The following IQCM variants were observed in gnomAD, a reference collection of about 807,000 sequenced individuals.
The protein encoded by IQCM is IQ motif containing M, also known as IQ domain-containing protein M.
In IQCM, 45 loss-of-function variants were observed where a neutral mutation model predicts 57.6. The ratio of observed to expected loss-of-function variants is 0.78; its 90% confidence interval spans 0.62 to 1.00. The LOEUF (loss-of-function observed/expected upper bound fraction) is 1.00. IQCM is among the 50% of genes least tolerant of loss of function. IQCM has a pLI of 0.00. For synonymous variants in IQCM, 148 were observed against 158.9 expected (o/e 0.93, Z 0.51); for missense variants, 468 against 511.6 (o/e 0.91, Z 0.82).
At chr4:149,371,672 A>G (rs1730378218) in intron 13 of IQCM, among the ~76,000 whole-genome samples, 16 of 152,178 alleles carry the variant, frequency 1.1e-4, no homozygotes. Context: ...CCACAGAAAT[A>G]TGACCTAACT....
chr4:149,745,558 A>C (rs2149918807), intron 2 of IQCM, among the ~76,000 whole-genome samples: 1 of 152,284 alleles, frequency 6.6e-6, no homozygotes, highest in South Asian at 2.1e-4. Context: ...GCTCTCTGAA[A>C]CGGTTACAGG....
intron 12 of IQCM, among the ~76,000 whole-genome samples, chr4:149,443,414 T>G (rs1736167940): frequency 6.6e-6 from 1 of 151,976 alleles, no homozygotes; most frequent in Non-Finnish European, 1.5e-5. Context: ...CAACAGGCAA[T>G]AACAGCTGGC....
chr4:149,668,136 A>G (rs963725863), intron 7 of IQCM, among the ~76,000 whole-genome samples: 3 of 152,146 alleles, frequency 2.0e-5, no homozygotes, highest in Admixed American at 1.3e-4. Flanking sequence ...CAGATTCACC[A>G]AAGTTGAAAT....
chr4:149,584,209 T>C (rs1003861821), intron 9 of IQCM, among the ~76,000 whole-genome samples: 6 of 151,602 alleles, frequency 4.0e-5, no homozygotes, highest in African/African-American at 1.4e-4. Flanking sequence ...TAACATAAAC[T>C]TCTTTTCCTT....
At chr4:149,617,707 A>G (rs1337418658) in intron 8 of IQCM, among the ~76,000 whole-genome samples, 1 of 152,178 alleles carries the variant, frequency 6.6e-6, no homozygotes, top group Admixed American at 6.5e-5. Context: ...ATTTCAATAT[A>G]CCAATAATGA....
intron 12 of IQCM, among the ~76,000 whole-genome samples, chr4:149,541,107 A>C (rs1747805733): frequency 6.6e-6 from 1 of 152,132 alleles, no homozygotes; most frequent in Non-Finnish European, 1.5e-5. Flanking sequence ...AGAGAAAATC[A>C]CTATATGTTT....
At chr4:149,558,225 T>C (rs1328476613) in intron 10 of IQCM, among the ~76,000 whole-genome samples, 1 of 152,196 alleles carries the variant, frequency 6.6e-6, no homozygotes, top group East Asian at 1.9e-4. Flanking sequence ...ACATTGACTT[T>C]CATGGCTCCA....
At chr4:149,613,397 G>A (rs1755481501) in intron 8 of IQCM, among the ~76,000 whole-genome samples, 1 of 152,034 alleles carries the variant, frequency 6.6e-6, no homozygotes, top group African/African-American at 2.4e-5. Flanking sequence ...TTCCAAGTCA[G>A]AAGAAGAAAA....
intron 13 of IQCM, among the ~76,000 whole-genome samples, chr4:149,386,724 T>C (rs987373690): frequency 2.6e-5 from 4 of 151,294 alleles, no homozygotes; most frequent in African/African-American, 9.7e-5. Flanking sequence ...CTTTGTCAGG[T>C]TTTTTTTTAA....
chr4:149,765,587 T>G (rs769434662), intron 2 of IQCM, among the ~76,000 whole-genome samples: 1 of 152,044 alleles, frequency 6.6e-6, no homozygotes, highest in Non-Finnish European at 1.5e-5. Flanking sequence ...AAACTGCCCT[T>G]GTAAAATTAA....
chr4:149,548,234 T>C (rs2149895339), intron 12 of IQCM, among the ~76,000 whole-genome samples: 1 of 152,246 alleles, frequency 6.6e-6, no homozygotes, highest in Non-Finnish European at 1.5e-5. Flanking sequence ...AAAAAACCTG[T>C]ATTGTATTAA....
At chr4:149,585,605 C>T (rs193223696) in intron 9 of IQCM, among the ~76,000 whole-genome samples, 1 of 151,374 alleles carries the variant, frequency 6.6e-6, no homozygotes, top group Non-Finnish European at 1.5e-5. Context: ...TGATTCTATG[C>T]CAGTAATATT....
At chr4:149,497,436 G>A (rs973515652) in intron 12 of IQCM, among the ~76,000 whole-genome samples, 3 of 152,024 alleles carry the variant, frequency 2.0e-5, no homozygotes, top group Non-Finnish European at 2.9e-5. Flanking sequence ...TTATTAGAAC[G>A]TGGCTAGGTA....
In IQCM at chr4:149,815,810, T is replaced by C. The variant is rs1193897366; in HGVS notation, c.-297A>G. The C allele has an allele frequency of 6.6e-6, 1 of 151,986 alleles. No individual in the cohort carries two copies. The highest frequency in any genetic ancestry group is 1.5e-5 in the Non-Finnish European group (1 of 67,896). The allele number at this position is 151,986 out of a possible 1,614,324, so 9.4% of individuals were successfully genotyped here. On this transcript the variant is annotated 5_prime_UTR_variant, in exon 1 of 14. Coordinates refer to ENST00000636793, the MANE Select transcript of IQCM (RefSeq NM_001363507.2). ...AGATTCCTAAATCCTGCCAATCTTC[T>C]GATTGCTTCTTCTCACATATGCCTG...
chr4:149,530,555 A>G (rs1746625767), intron 12 of IQCM, among the ~76,000 whole-genome samples: 1 of 152,196 alleles, frequency 6.6e-6, no homozygotes, highest in South Asian at 2.1e-4. Flanking sequence ...CTGAGACAGT[A>G]TCATGGCAAA....
At chr4:149,504,847 AG>A (rs1287287442) in intron 12 of IQCM, among the ~76,000 whole-genome samples, 1 of 152,150 alleles carries the variant, frequency 6.6e-6, no homozygotes, top group African/African-American at 2.4e-5. Flanking sequence ...CAGGAGGCAG[AG>A]GTTGCAGTGA....
chr4:149,411,649 T>A (rs969114306), intron 13 of IQCM, among the ~76,000 whole-genome samples: 5 of 152,178 alleles, frequency 3.3e-5, no homozygotes, highest in African/African-American at 1.2e-4. Context: ...ATATTTCTAG[T>A]TCACCTTAAA....
At chr4:149,386,032 T>C (rs1731398682) in intron 13 of IQCM, among the ~76,000 whole-genome samples, 1 of 152,122 alleles carries the variant, frequency 6.6e-6, no homozygotes, top group African/African-American at 2.4e-5. Flanking sequence ...CTATTTAAAA[T>C]CCTTCATTGG....
At chr4:149,682,613 TGTGA>T (rs4026079) in intron 6 of IQCM, among the ~76,000 whole-genome samples, 21,657 of 150,726 alleles carry the variant, frequency 0.14, 1,905 homozygotes, top group South Asian at 0.32. Flanking sequence ...CTTTGGAAAA[TGTGA>T]GTAAGAAAAA....
Sources: gnomAD v4.1 joint callset for allele counts (sites outside exome capture counted in the v4.1 genomes callset) on GRCh38, gnomAD v4.1.1 for gene constraint, MANE v1.5 for transcripts, NCBI Gene and HGNC (gene_info 2026-07-23, HGNC 2026-07-21) for gene names.